Variants in RNF144A observed in about 807,000 individuals in gnomAD.
RNF144A encodes ring finger protein 144A, also known as E3 ubiquitin-protein ligase RNF144A.
A neutral mutation model predicts 38.7 loss-of-function variants in RNF144A; 11 were observed. That is an observed-to-expected ratio of 0.28 (90% CI 0.18 to 0.47). RNF144A has a LOEUF of 0.47. RNF144A is among the 20% of genes least tolerant of loss of function. RNF144A has a pLI of 0.99. For missense variants in RNF144A, 316 were observed against 377.2 expected, an observed-to-expected ratio of 0.84 and a Z score of 1.34; for synonymous variants, 149 against 143.9, an observed-to-expected ratio of 1.04 and a Z score of -0.25.
At chr2:6,924,838 C>T (rs768769980) in intron 1 of RNF144A, among the ~76,000 whole-genome samples, 10 of 152,188 alleles carry the variant, frequency 6.6e-5, no homozygotes, top group Admixed American at 6.5e-5. Context: ...CTGAGGAATC[C>T]GTTTTCTGAG....
At chr2:6,956,120 T>C (rs897543996) in intron 2 of RNF144A, among the ~76,000 whole-genome samples, 6 of 152,166 alleles carry the variant, frequency 3.9e-5, no homozygotes, top group Non-Finnish European at 7.4e-5. Flanking sequence ...TTAAAGCTTA[T>C]TGGGGGTTCT....
At chr2:6,966,617 G>A (rs565964839) in intron 2 of RNF144A, among the ~76,000 whole-genome samples, 1 of 152,332 alleles carries the variant, frequency 6.6e-6, no homozygotes, top group South Asian at 2.1e-4. Flanking sequence ...TAGTAGCCAA[G>A]TTCCTTTTCC....
intron 2 of RNF144A, among the ~76,000 whole-genome samples, chr2:6,953,070 A>C (rs1463346721): frequency 6.6e-6 from 1 of 152,070 alleles, no homozygotes; most frequent in Non-Finnish European, 1.5e-5. Flanking sequence ...TTACTTTTTC[A>C]GCTAAAAACA....
At chr2:6,953,043 GGCTATAGTT>G (rs1666783323) in intron 2 of RNF144A, among the ~76,000 whole-genome samples, 1 of 151,646 alleles carries the variant, frequency 6.6e-6, no homozygotes, top group Non-Finnish European at 1.5e-5. Flanking sequence ...TTTGATTTTG[GGCTATAGTT>G]GCTTTTCTTA....
chr2:6,926,591 C>T (rs1159587670), intron 1 of RNF144A, among the ~76,000 whole-genome samples: 6 of 152,140 alleles, frequency 3.9e-5, no homozygotes, highest in East Asian at 1.9e-4. Flanking sequence ...TCAATAGGTT[C>T]GGTGTGGGTA....
At chr2:7,066,922 C>G (rs901821007) in intron 6 of RNF144A, among the ~76,000 whole-genome samples, 2 of 152,176 alleles carry the variant, frequency 1.3e-5, no homozygotes, top group South Asian at 2.1e-4. Flanking sequence ...ACTGTTTAGT[C>G]TGAGATTCCC....
chr2:6,986,849 A>G (rs1455715125), intron 2 of RNF144A, among the ~76,000 whole-genome samples: 1 of 152,074 alleles, frequency 6.6e-6, no homozygotes, highest in Non-Finnish European at 1.5e-5. Flanking sequence ...ACAGCTCAGA[A>G]TGAGGGAATT....
intron 3 of RNF144A, among the ~76,000 whole-genome samples, chr2:7,000,780 A>T (rs1386128603): frequency 6.6e-6 from 1 of 151,910 alleles, no homozygotes; most frequent in African/African-American, 2.4e-5. Flanking sequence ...GTCTAATGAA[A>T]GTTATTTTTT....
In RNF144A at chr2:7,009,078, G is replaced by A. The variant is rs142420769; in HGVS notation, c.136-5376G>A. ...CATTACCCCTGGCCTTATCTACACT[G>A]CAGGAGATGAGGTGTGCACTCACCC... On this transcript the variant is annotated intron_variant, in intron 3 of 8. Coordinates refer to ENST00000320892, the MANE Select transcript of RNF144A (RefSeq NM_014746.6). 2.0e-3 allele frequency among the ~76,000 whole-genome samples: 305 copies of A among 152,294 alleles called. 1 individual carries two copies. The highest frequency in any genetic ancestry group is 0.014 in the Middle Eastern group (4 of 294).
rs999139340 is a variant in RNF144A at position 7,040,618 on chromosome 2, A to G, written c.*858A>G. The G allele has an allele frequency of 4.1e-5, 40 of 985,222 alleles. No individual in the cohort carries two copies. The highest frequency in any genetic ancestry group is 1.8e-4 in the Admixed American group (3 of 16,254). 61.0% of individuals were successfully genotyped at this position (985,222 alleles called of 1,614,324 possible). ...CAGAAAACGCTTTTTATTGTATTCAATCCCACTGCTTTGCTCGGCAATGGT... is the reference window on the plus strand; with the variant it reads ...CAGAAAACGCTTTTTATTGTATTCAGTCCCACTGCTTTGCTCGGCAATGGT... On this transcript the variant is annotated 3_prime_UTR_variant, in exon 9 of 9. Transcript: ENST00000320892.
At chr2:6,970,378 G>A (rs143919946) in intron 2 of RNF144A, among the ~76,000 whole-genome samples, 1 of 152,166 alleles carries the variant, frequency 6.6e-6, no homozygotes, top group African/African-American at 2.4e-5. Flanking sequence ...TACAATGTGA[G>A]TTGGTCCTCC....
At position 6,941,342 on chromosome 2, in the gene RNF144A, T is replaced by G. The variant is rs1332489111; in HGVS notation, c.-12+195T>G. 6.6e-6 allele frequency among the ~76,000 whole-genome samples: 1 copy of G among 152,218 alleles called. No homozygotes were observed. Among genetic ancestry groups the G allele is most frequent in the Admixed American group, 6.5e-5 (1 of 15,288 alleles). On this transcript the variant is annotated intron_variant, in intron 2 of 8. Transcript: ENST00000320892. This position sits in a 1 kb window ranked among gnomAD's most constrained non-coding sequence, Gnocchi z 6.5. ...TTAAGATAGTGTTCAACACATTATTTTATGCCATCATAGTTGTTTATACTT... is the reference window on the plus strand; with the variant it reads ...TTAAGATAGTGTTCAACACATTATTGTATGCCATCATAGTTGTTTATACTT...
intron 2 of RNF144A, among the ~76,000 whole-genome samples, chr2:6,988,770 GT>G (rs140933550): frequency 0.018 from 2,715 of 152,274 alleles, 82 homozygotes; most frequent in African/African-American, 0.062. Flanking sequence ...AGAATGAGGA[GT>G]TAGGCTCCAC....
chr2:7,019,894 C>T (rs1442910610), intron 5 of RNF144A, among the ~76,000 whole-genome samples: 1 of 152,172 alleles, frequency 6.6e-6, no homozygotes, highest in Non-Finnish European at 1.5e-5. Context: ...GTAGTTAACT[C>T]GTGGCTTGGA....
chr2:7,041,439 A>T lies in RNF144A; in HGVS notation c.*1679A>T. On this transcript the variant is annotated 3_prime_UTR_variant, in exon 9 of 9. Transcript: ENST00000320892. ...ATTTAGAAAATCCCTGTGTGTCAAA[A>T]TTACATTCAAAAAGCTCTCCTTGTA... 1 of 985,890 alleles carries T rather than the reference A, an allele frequency of 1.0e-6. No individual in the cohort carries two copies. The highest frequency in any genetic ancestry group is 1.2e-6 in the Non-Finnish European group (1 of 829,934). 61.1% of individuals were successfully genotyped at this position (985,890 alleles called of 1,614,324 possible).
Position 7,002,625 on chromosome 2 carries a change from G to A in RNF144A, c.135+5564G>A, listed in dbSNP as rs548604868. Among the ~76,000 whole-genome samples, 99 of 152,264 alleles carry A rather than the reference G, an allele frequency of 6.5e-4. 1 individual carries two copies. Among genetic ancestry groups the A allele is most frequent in the African/African-American group, 2.1e-3 (87 of 41,564 alleles). ...GCTCAGCAGAGACATACAGTCATGC[G>A]CCTCATCACCATGTTTTGCTAATGA... On this transcript the variant is annotated intron_variant, in intron 3 of 8. Coordinates refer to ENST00000320892, the MANE Select transcript of RNF144A (RefSeq NM_014746.6).
Position 7,030,198 on chromosome 2 carries a change from A to T in RNF144A, c.730A>T (p.Ile244Phe). ...GCTGGGCCACTCCCGGGCATCTGTG[A>T]TCTGGCATCGGACACAGGTAGGAGG... ...NKLGHSRASVIWHRTQVVGIF... is the reference protein window; with the variant it reads ...NKLGHSRASVFWHRTQVVGIF... The change falls in exon 8 of 9, where the codon ATC (isoleucine) becomes TTC (phenylalanine). Residue 244 changes from isoleucine (I) to phenylalanine (F), a missense_variant. By Grantham distance (21) the Ile-to-Phe change is conservative (BLOSUM62 0). Coordinates refer to ENST00000320892, the MANE Select transcript of RNF144A (RefSeq NM_014746.6). The T allele has an allele frequency of 1.2e-6, 2 of 1,612,550 alleles. No homozygotes were observed. Among genetic ancestry groups the T allele is most frequent in the Non-Finnish European group, 1.7e-6 (2 of 1,179,360 alleles).
At chr2:7,038,752 T>C (rs1672844619) in intron 8 of RNF144A, among the ~76,000 whole-genome samples, 1 of 151,794 alleles carries the variant, frequency 6.6e-6, no homozygotes, top group East Asian at 1.9e-4. Context: ...GACTGGTGAA[T>C]TGATGGGCAG....
At chr2:6,926,438 C>T (rs573234974) in intron 1 of RNF144A, among the ~76,000 whole-genome samples, 34 of 152,340 alleles carry the variant, frequency 2.2e-4, no homozygotes, top group African/African-American at 3.4e-4. Context: ...AGGGGTTGGC[C>T]GTGCTAGGCC....
Sources: gnomAD v4.1 joint callset for allele counts (sites outside exome capture counted in the v4.1 genomes callset) on GRCh38, gnomAD v4.1.1 for gene constraint, Gnocchi (gnomAD v3.1) non-coding constraint, MANE v1.5 for transcripts, NCBI Gene and HGNC (gene_info 2026-07-23, HGNC 2026-07-21) for gene names.